PDSS2: variants seen among roughly 807,000 people sequenced by gnomAD.
The protein encoded by PDSS2 is decaprenyl diphosphate synthase subunit 2.
A neutral mutation model predicts 44.5 loss-of-function variants in PDSS2; 31 were observed. The ratio of observed to expected loss-of-function variants is 0.70; its 90% CI spans 0.52 to 0.94. The LOEUF (loss-of-function observed/expected upper bound fraction) is 0.94, where lower values mean the gene tolerates loss of function less well. Among genes scored for constraint, PDSS2 ranks in the 40% least tolerant of loss-of-function variants. The probability of loss-of-function intolerance (pLI) is 0.00; values close to 1 mark genes in which losing one functional copy is unlikely to be tolerated. For synonymous variants in PDSS2, 157 were observed against 180.3 expected, an observed-to-expected ratio of 0.87 and a Z score of 1.03; for missense variants, 452 against 482.2, an observed-to-expected ratio of 0.94 and a Z score of 0.59.
intron 6 of PDSS2, among the ~76,000 whole-genome samples, chr6:107,194,593 T>G (rs1772488500): frequency 1.3e-5 from 2 of 152,212 alleles, no homozygotes; most frequent in South Asian, 4.1e-4. Flanking sequence ...ATACTTTATG[T>G]GGAAATATTA....
chr6:107,368,946 T>A (rs916959855), intron 1 of PDSS2, among the ~76,000 whole-genome samples: 2 of 152,174 alleles, frequency 1.3e-5, no homozygotes, highest in South Asian at 2.1e-4. Flanking sequence ...ATTGAAGTAG[T>A]GTAGTATTGG....
intron 1 of PDSS2, among the ~76,000 whole-genome samples, chr6:107,371,074 G>A (rs1263002228): frequency 6.6e-6 from 1 of 152,062 alleles, no homozygotes; most frequent in Non-Finnish European, 1.5e-5. Context: ...CAGCTACTCA[G>A]GAGGCTGAGG....
At chr6:107,256,566 G>T (rs751316978) in intron 3 of PDSS2, among the ~76,000 whole-genome samples, 1 of 152,116 alleles carries the variant, frequency 6.6e-6, no homozygotes, top group African/African-American at 2.4e-5. Context: ...TGATTCGTGT[G>T]CCTTAAAATC....
At chr6:107,167,913 T>C (rs1750053970) in intron 7 of PDSS2, among the ~76,000 whole-genome samples, 1 of 152,164 alleles carries the variant, frequency 6.6e-6, no homozygotes, top group African/African-American at 2.4e-5. Flanking sequence ...TGGTCAATTT[T>C]GGATTGGTGT....
At chr6:107,226,095 T>G (rs1773810692) in intron 4 of PDSS2, among the ~76,000 whole-genome samples, 1 of 152,028 alleles carries the variant, frequency 6.6e-6, no homozygotes, top group South Asian at 2.1e-4. Context: ...GATCATGAGG[T>G]CAGGAGATCG....
At chr6:107,223,701 A>G (rs2114693190) in intron 4 of PDSS2, among the ~76,000 whole-genome samples, 1 of 151,374 alleles carries the variant, frequency 6.6e-6, no homozygotes, top group South Asian at 2.1e-4. Context: ...GCAGCAGAGT[A>G]AAACCCTGTC....
At chr6:107,428,029 C>T (rs1781059826) in intron 1 of PDSS2, among the ~76,000 whole-genome samples, 1 of 152,170 alleles carries the variant, frequency 6.6e-6, no homozygotes, top group African/African-American at 2.4e-5. Flanking sequence ...TTCTGAAATT[C>T]TATCTATATC....
chr6:107,210,557 A>G lies in PDSS2; in HGVS notation c.890T>C (p.Val297Ala), dbSNP rs780746304. 6.3e-7 allele frequency: 1 copy of G among 1,595,966 alleles called. No individual in the cohort carries two copies. The highest frequency in any genetic ancestry group is 8.6e-7 in the Non-Finnish European group (1 of 1,163,654). Residue 297 changes from valine to alanine, a missense_variant, in exon 6 of 8, where the codon GTC (valine) becomes GCC (alanine). Transcript: ENST00000369037. The part of the protein sequence containing the change: ...MAMSHKINSD[V>A]QPFIKEKTSD... ...GGTCTTTTCTTTAATAAAAGGCTGG[A>G]CATCAGAATTTATCTACAAGAAGCA...
chr6:107,225,881 T>TA (rs972454446), intron 4 of PDSS2, among the ~76,000 whole-genome samples: 52 of 152,060 alleles, frequency 3.4e-4, no homozygotes, highest in African/African-American at 1.1e-3. Flanking sequence ...TCACTAAGTA[T>TA]AAAAAAAAGA....
chr6:107,154,061 G>C lies in PDSS2; in HGVS notation c.*558C>G, dbSNP rs1463331410. 4 of 152,782 alleles carry C rather than the reference G, an allele frequency of 2.6e-5. No individual in the cohort carries two copies. Among genetic ancestry groups the C allele is most frequent in the African/African-American group, 9.7e-5 (4 of 41,248 alleles). 9.5% of individuals were successfully genotyped at this position (152,782 alleles called of 1,614,324 possible). A position where few individuals can be genotyped will look rare whatever the true frequency, so the allele number is the denominator to read the frequency against. ...TTGCACTCCAGCCTGGGCAACAAGAGCAAAACTACATCTAAAAAAAAAATA... is the reference window on the plus strand; with the variant it reads ...TTGCACTCCAGCCTGGGCAACAAGACCAAAACTACATCTAAAAAAAAAATA... On this transcript the variant is annotated 3_prime_UTR_variant, in exon 8 of 8. Transcript: ENST00000369037.
chr6:107,417,195 T>C (rs564972850), intron 1 of PDSS2, among the ~76,000 whole-genome samples: 71 of 152,260 alleles, frequency 4.7e-4, no homozygotes, highest in Admixed American at 1.6e-3. Context: ...AAACAAGACA[T>C]ACAAAGATAA....
At position 107,386,224 on chromosome 6, in the gene PDSS2, C is replaced by T. The variant is rs377509951; in HGVS notation, c.297-51892G>A. Among the ~76,000 whole-genome samples, 11 of 152,208 alleles carry T rather than the reference C, an allele frequency of 7.2e-5. No individual in the cohort carries two copies. The South Asian group carries it at 1.0e-3, about 14-fold the overall frequency. ...ATCTGGCACTGAAAAAAATGATCCA[C>T]TTTTCTTCTGGGTTCCCATATACAG... On this transcript the variant is annotated intron_variant, in intron 1 of 7. Transcript: ENST00000369037.
chr6:107,410,101 T>G (rs529428729), intron 1 of PDSS2, among the ~76,000 whole-genome samples: 1 of 152,166 alleles, frequency 6.6e-6, no homozygotes, highest in African/African-American at 2.4e-5. Flanking sequence ...GCTGAATGAA[T>G]AGGCCATCCA....
intron 1 of PDSS2, among the ~76,000 whole-genome samples, chr6:107,429,901 A>AATATATATATATATATATATAT (rs869061691): frequency 6.3e-5 from 2 of 31,810 alleles, no homozygotes; most frequent in Non-Finnish European, 1.1e-4. Context: ...AAAAAAAAAA[A>AATATATATATATATATATATAT]ATATATATAT....
intron 1 of PDSS2, among the ~76,000 whole-genome samples, chr6:107,409,089 C>T (rs150609296): frequency 4.6e-5 from 7 of 152,240 alleles, no homozygotes; most frequent in African/African-American, 1.2e-4. Flanking sequence ...AAATAACCTA[C>T]CAACTTTCAA....
chr6:107,305,291 T>C (rs1776821766), intron 2 of PDSS2, among the ~76,000 whole-genome samples: 1 of 152,106 alleles, frequency 6.6e-6, no homozygotes, highest in African/African-American at 2.4e-5. Context: ...GGCTTCTGAG[T>C]CCCGGTCCCC....
chr6:107,458,796 G>A (rs1403911879), intron 1 of PDSS2, among the ~76,000 whole-genome samples, 194 bp downstream of exon 1: 3 of 152,182 alleles, frequency 2.0e-5, no homozygotes, highest in African/African-American at 7.2e-5. Flanking sequence ...AACCACTTAT[G>A]CACTCAGCTG....
At chr6:107,385,731 T>C (rs547457097) in intron 1 of PDSS2, among the ~76,000 whole-genome samples, 40 of 152,164 alleles carry the variant, frequency 2.6e-4, no homozygotes, top group South Asian at 6.2e-4. Flanking sequence ...ATCTTTTTTT[T>C]TCTCTCTCTT....
At chr6:107,426,004 C>G (rs1780990734) in intron 1 of PDSS2, among the ~76,000 whole-genome samples, 1 of 151,672 alleles carries the variant, frequency 6.6e-6, no homozygotes, top group Admixed American at 6.6e-5. Flanking sequence ...GGGAGAAATT[C>G]AAGCTGCAGA....
Sources: allele counts gnomAD v4.1 joint callset (sites outside exome capture counted in the v4.1 genomes callset), GRCh38; gene constraint gnomAD v4.1.1; transcripts MANE v1.5; gene names NCBI Gene and HGNC (gene_info 2026-07-23, HGNC 2026-07-21).